The following KCNIP1 variants were observed in gnomAD, a reference collection of about 807,000 sequenced individuals.
KCNIP1 encodes the protein A-type potassium channel modulatory protein KCNIP1.
Under a neutral mutation model 33.0 loss-of-function variants are expected in KCNIP1, and 18 were observed. The observed-to-expected ratio is 0.55, with a 90% CI of 0.38 to 0.81. The LOEUF is 0.81. KCNIP1 is among the 30% of genes least tolerant of loss of function. The probability of loss-of-function intolerance (pLI) is 0.00; values close to 1 mark genes in which losing one functional copy is unlikely to be tolerated. For synonymous variants in KCNIP1, 93 were observed against 98.3 expected, an observed-to-expected ratio of 0.95 and a Z score of 0.32; for missense variants, 238 against 271.6, an observed-to-expected ratio of 0.88 and a Z score of 0.87.
At chr5:170,596,692 C>T (rs1193183127) in intron 1 of KCNIP1, among the ~76,000 whole-genome samples, 1 of 152,228 alleles carries the variant, frequency 6.6e-6, no homozygotes, top group Non-Finnish European at 1.5e-5. Flanking sequence ...AGCTCTCATC[C>T]TGTCTAACAC....
chr5:170,378,568 A>G, intron 1 of KCNIP1: 1 of 945,636 alleles, frequency 1.1e-6, no homozygotes, highest in South Asian at 1.6e-5. Flanking sequence ...TAGTCCTGCA[A>G]CAGAAGACAG....
intron 1 of KCNIP1, among the ~76,000 whole-genome samples, chr5:170,618,165 C>CG (rs1341421267): frequency 6.6e-6 from 1 of 152,020 alleles, no homozygotes; most frequent in East Asian, 1.9e-4. Context: ...TGTAAACATC[C>CG]GGGCGTAATC....
At chr5:170,633,521 A>G (rs1383472696) in intron 1 of KCNIP1, among the ~76,000 whole-genome samples, 1 of 149,566 alleles carries the variant, frequency 6.7e-6, no homozygotes, top group African/African-American at 2.5e-5. Context: ...AGCAGGAGGC[A>G]AAAGAAACGC....
At chr5:170,598,121 T>A (rs771346902) in intron 1 of KCNIP1, among the ~76,000 whole-genome samples, 1 of 152,058 alleles carries the variant, frequency 6.6e-6, no homozygotes, top group Non-Finnish European at 1.5e-5. Context: ...CTTCAATCAC[T>A]CCTAATCAGA....
intron 1 of KCNIP1, among the ~76,000 whole-genome samples, chr5:170,435,161 A>G (rs1755832593): frequency 6.6e-6 from 1 of 152,164 alleles, no homozygotes; most frequent in Non-Finnish European, 1.5e-5. Flanking sequence ...TGCAGCCAGT[A>G]CCACCTGGTG....
In KCNIP1 at chr5:170,467,917, CAAAAAAA is replaced by C. The variant is rs55671124; in HGVS notation, c.88+113969_88+113975del. The stretch of plus-strand genomic sequence containing the variant: ...TGGGCAACAAAGTCAGATTCCATCT[CAAAAAAA>C]AAAAAAAAAAAAAAAGGAAACTAAG... On this transcript the variant is annotated intron_variant, in intron 1 of 7. Transcript: ENST00000377360. Among the ~76,000 whole-genome samples, 57 of 41,948 alleles carry C rather than the reference CAAAAAAA, an allele frequency of 1.4e-3. No homozygotes were observed. The Middle Eastern group carries it at 0.037, about 27-fold the overall frequency. 27.5% of individuals were successfully genotyped at this position (41,948 alleles called of 152,430 possible). A position where few individuals can be genotyped will look rare whatever the true frequency, so the allele number is the denominator to read the frequency against.
At chr5:170,410,264 TCG>T (rs1419426583) in intron 1 of KCNIP1, among the ~76,000 whole-genome samples, 1 of 116,006 alleles carries the variant, frequency 8.6e-6, no homozygotes, top group African/African-American at 3.8e-5. Flanking sequence ...ACACAGGGGA[TCG>T]CAGACACAGT....
chr5:170,674,169 A>AGAG (rs1762035007), intron 1 of KCNIP1, among the ~76,000 whole-genome samples: 1 of 53,370 alleles, frequency 1.9e-5, no homozygotes, highest in Non-Finnish European at 3.2e-5. Flanking sequence ...GGAAGGAAGG[A>AGAG]AGGAAGGAAG....
intron 1 of KCNIP1, among the ~76,000 whole-genome samples, chr5:170,369,772 T>C (rs1391766176): frequency 6.6e-6 from 1 of 152,244 alleles, no homozygotes; most frequent in Admixed American, 6.5e-5. Context: ...CGTCTTGCAG[T>C]TGGCATGGGA....
At chr5:170,635,624 C>G (rs1318475059) in intron 1 of KCNIP1, among the ~76,000 whole-genome samples, 1 of 152,246 alleles carries the variant, frequency 6.6e-6, no homozygotes, top group Non-Finnish European at 1.5e-5. Context: ...TCACTGCTGT[C>G]TCTATCAGCC....
At chr5:170,485,549 C>T (rs17072679) in intron 1 of KCNIP1, among the ~76,000 whole-genome samples, 5,997 of 152,252 alleles carry the variant, frequency 0.039, 289 homozygotes, top group African/African-American at 0.11. Context: ...CCCTATTCTG[C>T]GAAGTGCCTC....
chr5:170,393,000 A>G (rs927644238), intron 1 of KCNIP1, among the ~76,000 whole-genome samples: 1 of 152,202 alleles, frequency 6.6e-6, no homozygotes, highest in African/African-American at 2.4e-5. Context: ...ACACATGGAC[A>G]TTCCTCTCCA....
chr5:170,423,047 C>T (rs1357999934), intron 1 of KCNIP1, among the ~76,000 whole-genome samples: 2 of 152,212 alleles, frequency 1.3e-5, no homozygotes, highest in East Asian at 3.8e-4. Context: ...GTTCACACCA[C>T]TCCACTCCAG....
intron 5 of KCNIP1, among the ~76,000 whole-genome samples, chr5:170,726,745 C>CAAAAAAAAAAA (rs57173351): frequency 3.0e-4 from 17 of 56,694 alleles, no homozygotes; most frequent in South Asian, 1.3e-3. Context: ...ACTAAAAATA[C>CAAAAAAAAAAA]AAAAAAAAAA....
In KCNIP1 at chr5:170,679,802, G is replaced by T. The variant is rs575233284; in HGVS notation, c.62-38956G>T. Among the ~76,000 whole-genome samples, 3 of 151,584 alleles carry T rather than the reference G, an allele frequency of 2.0e-5. No homozygotes were observed. The South Asian group carries it at 6.3e-4, about 32-fold the overall frequency. ...TGGATGTGCCACATTATTTTTAATG[G>T]CTCACATGGTACTCCTTTTATGTAT... On this transcript the variant is annotated intron_variant, in intron 1 of 7. Transcript: ENST00000328939.
chr5:170,395,780 C>A (rs1207729218), intron 1 of KCNIP1, among the ~76,000 whole-genome samples: 4 of 152,152 alleles, frequency 2.6e-5, no homozygotes, highest in Non-Finnish European at 5.9e-5. Flanking sequence ...TTGTGGGACT[C>A]AGAACACAAG....
intron 1 of KCNIP1, among the ~76,000 whole-genome samples, chr5:170,390,517 A>AAAAAAAAAAAAAAAAAAATATAT: frequency 5.4e-5 from 4 of 74,546 alleles, no homozygotes; most frequent in African/African-American, 1.9e-4. Context: ...AAAAAAAACA[A>AAAAAAAAAAAAAAAAAAATATAT]ATATATATAT....
At chr5:170,654,229 C>T (rs1388895017) in intron 1 of KCNIP1, among the ~76,000 whole-genome samples, 1 of 152,188 alleles carries the variant, frequency 6.6e-6, no homozygotes, top group Non-Finnish European at 1.5e-5. Flanking sequence ...GTGGAGGATC[C>T]ATGCCATTGA....
chr5:170,719,345 C>T (rs1341258674), intron 2 of KCNIP1, among the ~76,000 whole-genome samples: 1 of 152,046 alleles, frequency 6.6e-6, no homozygotes, highest in South Asian at 2.1e-4. Flanking sequence ...CGCTGGGACC[C>T]GCTCTCCTTG....
Sources: gnomAD v4.1 joint callset for allele counts (sites outside exome capture counted in the v4.1 genomes callset) on GRCh38, gnomAD v4.1.1 for gene constraint, MANE v1.5 for transcripts, NCBI Gene and HGNC (gene_info 2026-07-23, HGNC 2026-07-21) for gene names.